Variants in BEND4 observed in about 807,000 individuals in gnomAD.
BEND4 encodes BEN domain-containing protein 4.
BEND4 carries 27 observed loss-of-function variants against 54.7 expected under a neutral mutation model. The ratio of observed to expected loss-of-function variants is 0.49; its 90% confidence interval spans 0.36 to 0.68. BEND4 has a LOEUF of 0.68. Ranked by LOEUF, BEND4 falls within the 30% of genes least tolerant of loss-of-function variation. The pLI, the probability that BEND4 is intolerant of heterozygous loss-of-function variation, is 0.00. For missense variants in BEND4, 702 were observed against 697.2 expected, an observed-to-expected ratio of 1.01 and a Z score of -0.08; for synonymous variants, 327 against 299.5, an observed-to-expected ratio of 1.09 and a Z score of -0.95.
intron 4 of BEND4, among the ~76,000 whole-genome samples, chr4:42,122,367 G>A (rs182528723): frequency 5.3e-5 from 8 of 152,252 alleles, no homozygotes; most frequent in Non-Finnish European, 1.0e-4. Flanking sequence ...GCTTATGAGG[G>A]CTGGGACTGT....
intron 3 of BEND4, among the ~76,000 whole-genome samples, chr4:42,129,805 C>G (rs28796618): frequency 0.056 from 8,572 of 152,178 alleles, 846 homozygotes; most frequent in African/African-American, 0.2. Context: ...GAAAATCCTA[C>G]AAGAAAATCT....
rs1349807815 is a variant in BEND4, at chr4:42,115,575, A to G, written c.*1943T>C. On this transcript the variant is annotated 3_prime_UTR_variant, in exon 6 of 6. Transcript: ENST00000502486. ...CAGCAGTAAGGACAACTTAAGGCCA[A>G]TGAAAAATTAAGGTAAGATGGAAAA... 6.6e-6 allele frequency: 1 copy of G among 152,266 alleles called. No homozygotes were observed. The highest frequency in any genetic ancestry group is 1.5e-5 in the Non-Finnish European group (1 of 68,052). The allele number at this position is 152,266 out of a possible 1,614,324, so 9.4% of individuals were successfully genotyped here.
At chr4:42,141,625 T>C (rs995957543) in intron 3 of BEND4, among the ~76,000 whole-genome samples, 3 of 151,984 alleles carry the variant, frequency 2.0e-5, no homozygotes, top group South Asian at 2.1e-4. Context: ...CCTGTACTCC[T>C]AGCTACTCAG....
At chr4:42,143,143 C>T (rs1037523320) in intron 3 of BEND4, among the ~76,000 whole-genome samples, 1 of 152,162 alleles carries the variant, frequency 6.6e-6, no homozygotes, top group Non-Finnish European at 1.5e-5. Context: ...GACAGACACA[C>T]CTTTTAATAG....
At chr4:42,121,393 C>T (rs892489828) in intron 4 of BEND4, among the ~76,000 whole-genome samples, 32 of 152,178 alleles carry the variant, frequency 2.1e-4, no homozygotes, top group African/African-American at 7.0e-4. Context: ...CAACAAGCAA[C>T]GGCGTGATGT....
rs566971846 is a variant in BEND4, at chr4:42,119,923, A to T, written c.1387+131T>A. On this transcript the variant is annotated intron_variant, in intron 5 of 5. Coordinates refer to ENST00000502486, the MANE Select transcript of BEND4 (RefSeq NM_207406.4). ...CTTCTCAAGACTGAGTAGATGGGCC[A>T]CATGAAGCCTAGACGTTCTCAGCAG... 7 of 1,147,520 alleles carry T rather than the reference A, an allele frequency of 6.1e-6. No homozygotes were observed. In the South Asian group the frequency reaches 9.3e-5, roughly 15 times the overall value. The allele number at this position is 1,147,520 out of a possible 1,614,324, so 71.1% of individuals were successfully genotyped here. A position where few individuals can be genotyped will look rare whatever the true frequency, so the allele number is the denominator to read the frequency against.
chr4:42,149,235 T>A (rs1415740396), intron 2 of BEND4, among the ~76,000 whole-genome samples: 1 of 132,194 alleles, frequency 7.6e-6, no homozygotes, highest in Non-Finnish European at 1.6e-5. Context: ...CACGGGTCTG[T>A]GCACACATGC....
intron 3 of BEND4, among the ~76,000 whole-genome samples, chr4:42,132,789 AC>A (rs929515073): frequency 2.0e-5 from 3 of 152,082 alleles, no homozygotes; most frequent in Non-Finnish European, 2.9e-5. Flanking sequence ...TGAAACTACT[AC>A]TTCAGACCCA....
intron 3 of BEND4, among the ~76,000 whole-genome samples, chr4:42,132,328 G>C (rs1720536547): frequency 6.6e-6 from 1 of 152,236 alleles, no homozygotes; most frequent in African/African-American, 2.4e-5. Flanking sequence ...AAGAGAGAGT[G>C]AGTCTTGGCT....
chr4:42,111,433 CAT>C lies in BEND4; in HGVS notation c.*6083_*6084del, dbSNP rs994918608. 1 of 152,168 alleles carries C rather than the reference CAT, an allele frequency of 6.6e-6. No homozygotes were observed. The highest frequency in any genetic ancestry group is 1.5e-5 in the Non-Finnish European group (1 of 68,044). 9.4% of individuals were successfully genotyped at this position (152,168 alleles called of 1,614,324 possible). A position where few individuals can be genotyped will look rare whatever the true frequency, so the allele number is the denominator to read the frequency against. ...TACATGAAGTTCCAGAGAGGAGAGA[CAT>C]AAAGGCAATGCCTAAATTGCGCAGG... On this transcript the variant is annotated 3_prime_UTR_variant, in exon 6 of 6. Transcript: ENST00000502486.
At chr4:42,129,794 T>A (rs148020185) in intron 3 of BEND4, among the ~76,000 whole-genome samples, 366 of 152,308 alleles carry the variant, frequency 2.4e-3, no homozygotes, top group African/African-American at 8.6e-3. Flanking sequence ...CCCAAAACTA[T>A]GAAAATCCTA....
At position 42,145,896 on chromosome 4, in the gene BEND4, G is replaced by T. The variant is rs189414602; in HGVS notation, c.488-1902C>A. 2.1e-3 allele frequency among the ~76,000 whole-genome samples: 326 copies of T among 152,128 alleles called. 2 individuals are homozygous for T. The highest frequency in any genetic ancestry group is 3.3e-3 in the Non-Finnish European group (226 of 67,990). On this transcript the variant is annotated intron_variant, in intron 2 of 5. Coordinates refer to ENST00000502486, the MANE Select transcript of BEND4 (RefSeq NM_207406.4). ...CACAACACCTTGAGAAATAGTTACT[G>T]AACACACAGCAGGTACTCCTGTACA...
At chr4:42,139,384 T>C (rs1397462029) in intron 3 of BEND4, among the ~76,000 whole-genome samples, 1 of 152,120 alleles carries the variant, frequency 6.6e-6, no homozygotes, top group Non-Finnish European at 1.5e-5. Flanking sequence ...TGTTGGATAT[T>C]TTATAAATAA....
In BEND4 at chr4:42,143,841, T is replaced by TG; in HGVS notation, c.640dup (p.His214ProfsTer38). 1 of 1,567,990 alleles carries TG rather than the reference T, an allele frequency of 6.4e-7. No homozygotes were observed. On this transcript the variant is annotated frameshift_variant, in exon 3 of 6. Transcript: ENST00000502486. LOFTEE classifies it high-confidence loss of function. ...GTGGACCCCTTTCCCAATGTGACAG[T>TG]GCTCCTGTCTTTCGTTGTAACTTGA... is the stretch of plus-strand genomic sequence containing the variant.
At chr4:42,142,004 C>T (rs948742382) in intron 3 of BEND4, among the ~76,000 whole-genome samples, 1 of 151,656 alleles carries the variant, frequency 6.6e-6, no homozygotes, top group Non-Finnish European at 1.5e-5. Context: ...CCTGGGTTCA[C>T]GTCATTCTCC....
At chr4:42,136,883 A>T (rs1336025065) in intron 3 of BEND4, among the ~76,000 whole-genome samples, 1 of 152,276 alleles carries the variant, frequency 6.6e-6, no homozygotes, top group East Asian at 1.9e-4. Flanking sequence ...TTAAATAAAC[A>T]TGCACATAAA....
At position 42,117,425 on chromosome 4, in the gene BEND4, T is replaced by A. The variant is rs749775468; in HGVS notation, c.*93A>T. The A allele has an allele frequency of 3.5e-6, 3 of 855,616 alleles. No individual in the cohort carries two copies. The highest frequency in any genetic ancestry group is 5.3e-5 in the East Asian group (2 of 37,598). The allele number at this position is 855,616 out of a possible 1,614,324, so 53.0% of individuals were successfully genotyped here. On this transcript the variant is annotated 3_prime_UTR_variant, in exon 6 of 6. Transcript: ENST00000502486. ...TGAGAATGTGTAGACTATGGCAGAA[T>A]GACAGGCTTTGGACTCTCAGGTGAC...
At position 42,113,221 on chromosome 4, in the gene BEND4, A is replaced by C. The variant is rs1208588135; in HGVS notation, c.*4297T>G. 1 of 152,256 alleles carries C rather than the reference A, an allele frequency of 6.6e-6. No homozygotes were observed. The highest frequency in any genetic ancestry group is 1.5e-5 in the Non-Finnish European group (1 of 68,042). The allele number at this position is 152,256 out of a possible 1,614,324, so 9.4% of individuals were successfully genotyped here. On this transcript the variant is annotated 3_prime_UTR_variant, in exon 6 of 6. Coordinates refer to ENST00000502486, the MANE Select transcript of BEND4 (RefSeq NM_207406.4). ...TATATGAGCTGTCAAAAATTAACGC[A>C]GATCTGTACTGTGAAATGACACAGC...
Position 42,152,236 on chromosome 4 carries a change from C to T in BEND4, c.-93G>A, listed in dbSNP as rs1278399083. ...CTCCGCCGCCTGCCCGCCGGGTCTG[C>T]CCTGGTGCGCGCGTGTGGGAGGGTG... On this transcript the variant is annotated 5_prime_UTR_variant, in exon 2 of 6. Transcript: ENST00000502486. 1.7e-6 allele frequency: 2 copies of T among 1,177,956 alleles called. No individual in the cohort carries two copies. The highest frequency in any genetic ancestry group is 1.1e-6 in the Non-Finnish European group (1 of 939,232). 73.0% of individuals were successfully genotyped at this position (1,177,956 alleles called of 1,614,324 possible).
Sources: gnomAD v4.1 joint callset for allele counts (sites outside exome capture counted in the v4.1 genomes callset) on GRCh38, gnomAD v4.1.1 for gene constraint, MANE v1.5 for transcripts, NCBI Gene and HGNC (gene_info 2026-07-23, HGNC 2026-07-21) for gene names.